Variants in C2CD5 observed in about 807,000 individuals in gnomAD.
C2CD5 encodes C2 calcium dependent domain containing 5.
In C2CD5, 109 loss-of-function variants were observed where a neutral mutation model predicts 130.3. The ratio of observed to expected loss-of-function variants is 0.84; its 90% CI spans 0.72 to 0.98. The LOEUF (loss-of-function observed/expected upper bound fraction) is 0.98. Among genes scored for constraint, C2CD5 ranks in the 50% least tolerant of loss-of-function variants. C2CD5 has a pLI of 0.00. For missense variants in C2CD5, 996 were observed against 1,261.8 expected, an observed-to-expected ratio of 0.79 and a Z score of 3.19; for synonymous variants, 454 against 429.2, an observed-to-expected ratio of 1.06 and a Z score of -0.71.
intron 9 of C2CD5, among the ~76,000 whole-genome samples, chr12:22,511,350 A>G (rs1455016515): frequency 3.3e-5 from 5 of 152,178 alleles, no homozygotes; most frequent in African/African-American, 1.2e-4. Flanking sequence ...AGAATTCTTC[A>G]TACTTCTTGC....
chr12:22,505,489 G>C (rs1460942067), intron 10 of C2CD5, among the ~76,000 whole-genome samples: 1 of 151,842 alleles, frequency 6.6e-6, no homozygotes. Flanking sequence ...TTTTATAGCT[G>C]TCAATACAAG....
Position 22,469,721 on chromosome 12 carries a change from GA to G in C2CD5, c.2520del (p.Pro841HisfsTer38). On this transcript the variant is annotated frameshift_variant, in exon 22 of 27. Transcript: ENST00000446597. LOFTEE classifies it high-confidence loss of function. ...LCSDSLPSHP[F>X]PPAKEHLESA... is the part of the protein sequence containing the mutation. ...TCACTTAACCAACCTTTAGCTGGTG[GA>G]AAAGGATGAGAAGGAAGTGAATCTG... 1.9e-6 allele frequency: 3 copies of G among 1,599,776 alleles called. No homozygotes were observed. The highest frequency in any genetic ancestry group is 2.3e-5 in the East Asian group (1 of 43,696).
At chr12:22,493,401 G>T in intron 10 of C2CD5, 64 bp from the exon 11 acceptor site, 2 of 821,010 alleles carry the variant, frequency 2.4e-6, no homozygotes, top group Non-Finnish European at 3.9e-6. Flanking sequence ...AACATGAAAT[G>T]TTTAAAATAA....
At chr12:22,506,491 G>A (rs1203648009) in intron 10 of C2CD5, among the ~76,000 whole-genome samples, 1 of 152,066 alleles carries the variant, frequency 6.6e-6, no homozygotes, top group Non-Finnish European at 1.5e-5. Flanking sequence ...GTGATATTGT[G>A]ACCAAAAATA....
intron 3 of C2CD5, among the ~76,000 whole-genome samples, chr12:22,532,156 C>T (rs1426934511): frequency 6.6e-6 from 1 of 151,962 alleles, no homozygotes; most frequent in Non-Finnish European, 1.5e-5. Flanking sequence ...CATGGAGAAA[C>T]CCTGTCTCTA....
At chr12:22,510,258 G>T (rs11615262) in intron 9 of C2CD5, among the ~76,000 whole-genome samples, 2 of 151,802 alleles carry the variant, frequency 1.3e-5, no homozygotes, top group Non-Finnish European at 2.9e-5. Context: ...AGCACATCCC[G>T]CTTTCAATGT....
At chr12:22,543,570 G>C (rs1952618227) in intron 2 of C2CD5, among the ~76,000 whole-genome samples, 1 of 152,220 alleles carries the variant, frequency 6.6e-6, no homozygotes, top group Non-Finnish European at 1.5e-5. Flanking sequence ...ATGATGTCCA[G>C]CACTCTGGCC....
chr12:22,449,944 C>G lies in C2CD5; in HGVS notation c.3025-53G>C, dbSNP rs1938179932. 2.0e-6 allele frequency: 3 copies of G among 1,488,222 alleles called. No individual in the cohort carries two copies. In the East Asian group the frequency reaches 6.8e-5, roughly 34 times the overall value. The allele number at this position is 1,488,222 out of a possible 1,614,324, so 92.2% of individuals were successfully genotyped here. A position where few individuals can be genotyped will look rare whatever the true frequency, so the allele number is the denominator to read the frequency against. On this transcript the variant is annotated intron_variant, in intron 26 of 26. Coordinates refer to ENST00000446597, the MANE Select transcript of C2CD5 (RefSeq NM_001286176.2). Reference sequence around the variant, plus strand: ...CAGTTATACTCAACACATTCATACTCTTCTGTTACATAAGGGGCAGTGCTG... The same window carrying G: ...CAGTTATACTCAACACATTCATACTGTTCTGTTACATAAGGGGCAGTGCTG...
At chr12:22,529,337 T>G (rs1951005466) in intron 3 of C2CD5, among the ~76,000 whole-genome samples, 1 of 152,202 alleles carries the variant, frequency 6.6e-6, no homozygotes, top group Non-Finnish European at 1.5e-5. Flanking sequence ...CATTAACCAT[T>G]ACTCTAAGAC....
chr12:22,482,768 A>G, intron 13 of C2CD5, 25 bp from the exon 14 acceptor site: 1 of 1,580,034 alleles, frequency 6.3e-7, no homozygotes, highest in Non-Finnish European at 8.7e-7. Flanking sequence ...AAGTCAGTGA[A>G]CAGTATTCTT....
intron 10 of C2CD5, among the ~76,000 whole-genome samples, chr12:22,500,681 T>C (rs1363554363): frequency 6.6e-6 from 1 of 152,236 alleles, no homozygotes; most frequent in Non-Finnish European, 1.5e-5. Context: ...AAATAAATTC[T>C]GATATAAGCT....
At chr12:22,486,529 C>A (rs1296315055) in intron 12 of C2CD5, among the ~76,000 whole-genome samples, 4 of 152,250 alleles carry the variant, frequency 2.6e-5, no homozygotes, top group African/African-American at 9.6e-5. Flanking sequence ...CTGCTGAGGA[C>A]TAGCACATTG....
At chr12:22,477,215 C>G (rs939199374) in intron 15 of C2CD5, 2 of 152,060 alleles carry the variant, frequency 1.3e-5, no homozygotes, top group African/African-American at 4.8e-5. Context: ...TTTTACACTA[C>G]TTTTTCACAG....
At chr12:22,474,580 CAT>C (rs1943555152) in intron 16 of C2CD5, among the ~76,000 whole-genome samples, 169 bp downstream of exon 16, 1 of 152,070 alleles carries the variant, frequency 6.6e-6, no homozygotes, top group African/African-American at 2.4e-5. Context: ...ATTGAACAAA[CAT>C]ATGTTACCAA....
At chr12:22,505,769 C>G (rs1948447437) in intron 10 of C2CD5, among the ~76,000 whole-genome samples, 1 of 152,134 alleles carries the variant, frequency 6.6e-6, no homozygotes. Flanking sequence ...AATTATGGTC[C>G]TATGTTTTAA....
intron 3 of C2CD5, among the ~76,000 whole-genome samples, chr12:22,529,807 T>G (rs943368889): frequency 6.6e-6 from 1 of 152,016 alleles, no homozygotes; most frequent in Non-Finnish European, 1.5e-5. Context: ...GAAACTGTTA[T>G]GTTAACTCAT....
chr12:22,511,104 C>T (rs10505880), intron 9 of C2CD5, among the ~76,000 whole-genome samples: 27,300 of 148,280 alleles, frequency 0.18, 5,165 homozygotes, highest in African/African-American at 0.49. Context: ...ATAACACTTT[C>T]AATTTTGACA....
At chr12:22,530,461 T>C (rs1951170333) in intron 3 of C2CD5, among the ~76,000 whole-genome samples, 1 of 142,198 alleles carries the variant, frequency 7.0e-6, no homozygotes, top group Non-Finnish European at 1.5e-5. Context: ...ACTTACTAAA[T>C]TTTTTTTTTT....
intron 22 of C2CD5, among the ~76,000 whole-genome samples, chr12:22,469,296 T>A (rs927683993): frequency 1.3e-5 from 2 of 152,054 alleles, no homozygotes; most frequent in African/African-American, 2.4e-5. Context: ...CCTCTTCATG[T>A]ATCTTCTGGA....
Sources: gnomAD v4.1 joint callset for allele counts (sites outside exome capture counted in the v4.1 genomes callset) on GRCh38, gnomAD v4.1.1 for gene constraint, MANE v1.5 for transcripts, NCBI Gene and HGNC (gene_info 2026-07-23, HGNC 2026-07-21) for gene names.